The following NBAS variants were observed in gnomAD, a reference collection of about 807,000 sequenced individuals.
The protein encoded by NBAS is NAG/BC035112 fusion.
Under a neutral mutation model 302.5 loss-of-function variants are expected in NBAS, and 219 were observed. The observed-to-expected ratio is 0.72, with a 90% CI of 0.65 to 0.81. The LOEUF (loss-of-function observed/expected upper bound fraction) is 0.81, where lower values mean the gene tolerates loss of function less well. NBAS is among the 30% of genes least tolerant of loss of function. The probability of loss-of-function intolerance (pLI) is 0.00; values close to 1 mark genes in which losing one functional copy is unlikely to be tolerated. For synonymous variants in NBAS, 1,118 were observed against 1,021.6 expected (o/e 1.09, Z -1.80); for missense variants, 2,932 against 2,841.6 (o/e 1.03, Z -0.72).
At chr2:15,190,589 G>A (rs987832519) in intron 48 of NBAS, among the ~76,000 whole-genome samples, 186 bp from the exon 49 acceptor site, 2 of 152,108 alleles carry the variant, frequency 1.3e-5, no homozygotes, top group African/African-American at 4.8e-5. Context: ...TGTTAAAATT[G>A]TTTAGAACTA....
At chr2:15,541,403 G>T (rs530084658) in intron 6 of NBAS, among the ~76,000 whole-genome samples, 2 of 152,220 alleles carry the variant, frequency 1.3e-5, no homozygotes, top group East Asian at 3.9e-4. Flanking sequence ...GACTACCAAT[G>T]AAATGTGAAT....
the NBAS span, among the ~76,000 whole-genome samples, chr2:14,818,043 T>C: frequency 6.6e-6 from 1 of 152,056 alleles, no homozygotes; most frequent in African/African-American, 2.4e-5. Context: ...AGTTCACAAG[T>C]CCCAGCCTCA....
chr2:15,418,693 G>A (rs1412716469), intron 23 of NBAS, among the ~76,000 whole-genome samples: 3 of 152,170 alleles, frequency 2.0e-5, no homozygotes, highest in African/African-American at 7.2e-5. Context: ...TATTTGTGAG[G>A]TGAGGAAGGA....
intron 45 of NBAS, among the ~76,000 whole-genome samples, chr2:15,237,608 T>TTATCTATC (rs1167127839): frequency 2.8e-4 from 37 of 134,214 alleles, no homozygotes; most frequent in African/African-American, 9.9e-4. Context: ...ATTTATTTAT[T>TTATCTATC]TATCTGAGAC....
the NBAS span, among the ~76,000 whole-genome samples, chr2:15,137,150 C>T: frequency 6.6e-6 from 1 of 152,168 alleles, no homozygotes; most frequent in Admixed American, 6.5e-5. Context: ...AGGTATCAAA[C>T]CTGCCTTCAC....
chr2:14,894,016 T>C, the NBAS span, among the ~76,000 whole-genome samples: 7 of 152,250 alleles, frequency 4.6e-5, no homozygotes, highest in Non-Finnish European at 1.0e-4. Flanking sequence ...TGTGTGTAAA[T>C]GGCTTATTAT....
intron 44 of NBAS, among the ~76,000 whole-genome samples, chr2:15,274,737 G>A (rs540097249): frequency 6.6e-6 from 1 of 151,910 alleles, no homozygotes; most frequent in African/African-American, 2.4e-5. Context: ...GATATATACT[G>A]CATGATATGA....
chr2:14,796,770 T>A, the NBAS span, among the ~76,000 whole-genome samples: 1 of 152,070 alleles, frequency 6.6e-6, no homozygotes, highest in Non-Finnish European at 1.5e-5. Flanking sequence ...GGATTGATTC[T>A]GAGTAATGCT....
chr2:15,119,944 C>T, the NBAS span, among the ~76,000 whole-genome samples: 3 of 152,266 alleles, frequency 2.0e-5, no homozygotes, highest in South Asian at 4.1e-4. Context: ...GGCCCACCTG[C>T]AACAGGAATG....
At chr2:15,490,994 G>A (rs895332098) in intron 11 of NBAS, among the ~76,000 whole-genome samples, 2 of 152,134 alleles carry the variant, frequency 1.3e-5, no homozygotes, top group Admixed American at 1.3e-4. Context: ...AACAACAAAA[G>A]TATACTGAAT....
At chr2:15,256,234 C>T (rs911264367) in intron 44 of NBAS, among the ~76,000 whole-genome samples, 3 of 152,122 alleles carry the variant, frequency 2.0e-5, no homozygotes, top group African/African-American at 4.8e-5. Context: ...TTCTTTCAGC[C>T]GTGTGTTGTA....
intron 48 of NBAS, among the ~76,000 whole-genome samples, chr2:15,195,589 G>A (rs1211218400): frequency 6.6e-6 from 1 of 152,092 alleles, no homozygotes; most frequent in African/African-American, 2.4e-5. Flanking sequence ...CTTGACACCA[G>A]GAATGTTAGG....
the NBAS span, among the ~76,000 whole-genome samples, chr2:14,979,800 G>T: frequency 6.6e-6 from 1 of 152,140 alleles, no homozygotes; most frequent in Admixed American, 6.5e-5. Context: ...ACACGGAATA[G>T]ATACTGTTGG....
intron 9 of NBAS, among the ~76,000 whole-genome samples, chr2:15,524,453 T>A (rs147614467): frequency 8.9e-4 from 136 of 152,324 alleles, no homozygotes; most frequent in African/African-American, 3.2e-3. Context: ...TGGCATGTTG[T>A]AGGCTTCCAA....
At chr2:14,942,537 A>T in the NBAS span, among the ~76,000 whole-genome samples, 1 of 152,206 alleles carries the variant, frequency 6.6e-6, no homozygotes, top group Admixed American at 6.5e-5. Context: ...TGTCAACATC[A>T]TACTTCCTGT....
chr2:15,488,881 C>A lies in NBAS; in HGVS notation c.1083+13G>T. On this transcript the variant is annotated intron_variant, in intron 12 of 51. Transcript: ENST00000281513. ...CCTTAAGAGAGTATCATTCTAATAA[C>A]CAAGAGACGCACCTGCTCATTTTGA... 6.2e-7 allele frequency: 1 copy of A among 1,613,184 alleles called. No homozygotes were observed. The highest frequency in any genetic ancestry group is 2.2e-5 in the East Asian group (1 of 44,816).
chr2:14,923,989 TC>T, the NBAS span, among the ~76,000 whole-genome samples: 1 of 152,112 alleles, frequency 6.6e-6, no homozygotes, highest in East Asian at 1.9e-4. Context: ...AGTCTACACT[TC>T]CCTCCCCTGG....
chr2:15,088,056 A>G, the NBAS span, among the ~76,000 whole-genome samples: 29 of 152,232 alleles, frequency 1.9e-4, no homozygotes, highest in Non-Finnish European at 3.4e-4. Flanking sequence ...CCGTAGGGTG[A>G]GCTGCACCAC....
chr2:15,423,140 C>A (rs938942874), intron 23 of NBAS, among the ~76,000 whole-genome samples: 2 of 152,170 alleles, frequency 1.3e-5, no homozygotes, highest in South Asian at 2.1e-4. Flanking sequence ...TGTCCCTGTG[C>A]AAGACGTTCA....
Sources: allele counts gnomAD v4.1 joint callset (sites outside exome capture counted in the v4.1 genomes callset), GRCh38; gene constraint gnomAD v4.1.1; transcripts MANE v1.5; gene names NCBI Gene and HGNC (gene_info 2026-07-23, HGNC 2026-07-21).